The following ROCK1 variants were observed in gnomAD, a reference collection of about 807,000 sequenced individuals.
ROCK1 encodes the protein rho-associated protein kinase 1.
In ROCK1, 36 loss-of-function variants were observed where a neutral mutation model predicts 196.8. That is an observed-to-expected ratio of 0.18 (90% CI 0.14 to 0.24). The LOEUF is 0.24. Ranked by LOEUF, ROCK1 falls within the 10% of genes least tolerant of loss-of-function variation. The pLI is 1.00. For missense variants in ROCK1, 920 were observed against 1,562.0 expected (o/e 0.59, Z 6.93); for synonymous variants, 443 against 515.9 (o/e 0.86, Z 1.91).
chr18:21,003,202 A>C (rs2035740735), intron 16 of ROCK1, among the ~76,000 whole-genome samples: 1 of 152,202 alleles, frequency 6.6e-6, no homozygotes, highest in Non-Finnish European at 1.5e-5. Context: ...GAAATCAGTA[A>C]AATTCTGAAC....
chr18:21,101,264 A>T (rs1442120898), intron 1 of ROCK1, among the ~76,000 whole-genome samples: 1 of 152,212 alleles, frequency 6.6e-6, no homozygotes, highest in Non-Finnish European at 1.5e-5. Context: ...AATAACAGGG[A>T]TTCAGTTAAA....
At chr18:20,988,089 G>A (rs999406280) in intron 18 of ROCK1, among the ~76,000 whole-genome samples, 6 of 150,808 alleles carry the variant, frequency 4.0e-5, no homozygotes, top group African/African-American at 1.5e-4. Flanking sequence ...TTTTTGAGAT[G>A]GTGTCTCGCT....
intron 1 of ROCK1, among the ~76,000 whole-genome samples, chr18:21,101,057 C>T (rs186542362): frequency 7.9e-5 from 12 of 152,280 alleles, no homozygotes; most frequent in East Asian, 7.7e-4. Context: ...CTCCAAAATA[C>T]CTTGCTATAA....
At chr18:21,095,114 C>T (rs1337566529) in intron 1 of ROCK1, among the ~76,000 whole-genome samples, 5 of 149,886 alleles carry the variant, frequency 3.3e-5, no homozygotes, top group Non-Finnish European at 7.4e-5. Context: ...GTACTCAGCA[C>T]CACTGATCAT....
At chr18:21,087,905 A>C (rs1346543771) in intron 1 of ROCK1, among the ~76,000 whole-genome samples, 1 of 152,254 alleles carries the variant, frequency 6.6e-6, no homozygotes, top group Non-Finnish European at 1.5e-5. Context: ...AGACCACCAC[A>C]TTGTGTGCCA....
At chr18:21,063,012 C>T (rs927773853) in intron 2 of ROCK1, among the ~76,000 whole-genome samples, 2 of 152,030 alleles carry the variant, frequency 1.3e-5, no homozygotes, top group African/African-American at 4.8e-5. Flanking sequence ...TTTTTTGCTG[C>T]TATAACAGAA....
intron 27 of ROCK1, among the ~76,000 whole-genome samples, chr18:20,965,440 C>CATAT (rs1292283596): frequency 4.1e-5 from 6 of 145,054 alleles, no homozygotes; most frequent in South Asian, 2.3e-4. Flanking sequence ...TACATACATA[C>CATAT]ATATATACAT....
chr18:20,955,454 T>C (rs1372616667), intron 29 of ROCK1: 3 of 565,650 alleles, frequency 5.3e-6, no homozygotes, highest in Admixed American at 3.9e-5. Context: ...CATCAAATGC[T>C]TGTGAGAATG....
chr18:20,980,272 T>C (rs2035518763), intron 21 of ROCK1, among the ~76,000 whole-genome samples: 1 of 152,138 alleles, frequency 6.6e-6, no homozygotes. Flanking sequence ...CTGTGGTTAA[T>C]TCATATTACT....
chr18:20,998,605 T>A (rs1158288521), intron 16 of ROCK1, among the ~76,000 whole-genome samples: 1 of 143,634 alleles, frequency 7.0e-6, no homozygotes, highest in Non-Finnish European at 1.5e-5. Flanking sequence ...AACTTTTTTT[T>A]TTTTTTTTTT....
chr18:21,045,148 AGC>A (rs1416348334), intron 5 of ROCK1, 142 bp downstream of exon 5: 2 of 613,854 alleles, frequency 3.3e-6, no homozygotes, highest in Non-Finnish European at 5.2e-6. Flanking sequence ...GGCGTGAGGC[AGC>A]GCCTGGCCAG....
intron 9 of ROCK1, among the ~76,000 whole-genome samples, chr18:21,036,208 C>T (rs1003161111): frequency 1.3e-5 from 2 of 152,186 alleles, no homozygotes; most frequent in Admixed American, 1.3e-4. Context: ...GATAATCTCT[C>T]CCGTGAGAAT....
chr18:20,973,959 A>G (rs758670341), intron 22 of ROCK1, among the ~76,000 whole-genome samples: 1 of 151,566 alleles, frequency 6.6e-6, no homozygotes, highest in Non-Finnish European at 1.5e-5. Context: ...TTTAGTAGAG[A>G]CGGGGTTTCT....
chr18:21,060,181 G>C (rs2036276849), intron 2 of ROCK1, among the ~76,000 whole-genome samples: 1 of 151,996 alleles, frequency 6.6e-6, no homozygotes, highest in South Asian at 2.1e-4. Flanking sequence ...ACTTCAAACG[G>C]GTGAATTTTA....
intron 20 of ROCK1, among the ~76,000 whole-genome samples, chr18:20,983,710 AGAG>A (rs1429669624): frequency 6.6e-6 from 1 of 152,212 alleles, no homozygotes; most frequent in Non-Finnish European, 1.5e-5. Context: ...TGGCCCTAAA[AGAG>A]GAAAAGAATT....
intron 29 of ROCK1, among the ~76,000 whole-genome samples, chr18:20,959,019 T>TATAATATATATTTTTATAAAAA (rs1316509755): frequency 1.4e-5 from 1 of 70,928 alleles, no homozygotes; most frequent in African/African-American, 6.8e-5. Flanking sequence ...ATATAATATA[T>TATAATATATATTTTTATAAAAA]ATAATATATA....
chr18:21,080,573 C>T (rs1391230611), intron 1 of ROCK1, among the ~76,000 whole-genome samples: 1 of 152,042 alleles, frequency 6.6e-6, no homozygotes, highest in Non-Finnish European at 1.5e-5. Flanking sequence ...CAAACAAAAA[C>T]ACCATGATCC....
At chr18:21,067,077 A>T (rs2036341103) in intron 2 of ROCK1, among the ~76,000 whole-genome samples, 1 of 152,206 alleles carries the variant, frequency 6.6e-6, no homozygotes, top group South Asian at 2.1e-4. Context: ...CATTTTCATA[A>T]ATACTTGATA....
intron 2 of ROCK1, among the ~76,000 whole-genome samples, chr18:21,070,161 A>G (rs1016711779): frequency 6.6e-6 from 1 of 152,124 alleles, no homozygotes; most frequent in Admixed American, 6.5e-5. Context: ...AAATTTTTAA[A>G]TGATAAAATC....
Sources: allele counts gnomAD v4.1 joint callset (sites outside exome capture counted in the v4.1 genomes callset), GRCh38; gene constraint gnomAD v4.1.1; transcripts MANE v1.5; gene names NCBI Gene and HGNC (gene_info 2026-07-23, HGNC 2026-07-21).